COPB1: variants seen among roughly 807,000 people sequenced by gnomAD.
COPB1 encodes the protein coat protein complex I subunit beta 1, also known as coatomer subunit beta.
COPB1 carries 21 observed loss-of-function variants against 108.7 expected under a neutral mutation model. That is an observed-to-expected ratio of 0.19 (90% CI 0.14 to 0.28). The LOEUF is 0.28. COPB1 is among the 10% of genes least tolerant of loss of function. COPB1 has a pLI of 1.00. For missense variants in COPB1, 919 were observed against 1,141.3 expected (o/e 0.81, Z 2.81); for synonymous variants, 378 against 386.8 (o/e 0.98, Z 0.27).
At chr11:14,465,153 G>A in intron 17 of COPB1, 123 bp from the exon 18 acceptor site, 1 of 1,256,976 alleles carries the variant, frequency 8.0e-7, no homozygotes, top group Non-Finnish European at 1.0e-6. Context: ...TAGTTTCTAG[G>A]AAAATAAGGA....
At position 14,498,855 on chromosome 11, in the gene COPB1, C is replaced by T. The variant is rs746258620; in HGVS notation, c.74G>A (p.Ser25Asn). Residue 25 changes from serine (S) to asparagine (N), a missense_variant, in exon 2 of 22, where the codon AGC (serine) becomes AAC (asparagine). Ser to Asn is a conservative substitution (Grantham distance 46). Transcript: ENST00000439561. ...PMDSEPPSEI[S>N]LKNDLEKGDV... Reference sequence around the variant, plus strand: ...AAGTTTACCTAGATCATTTTTTAAGCTAATTTCAGATGGTGGTTCTGAATC... The same window carrying T: ...AAGTTTACCTAGATCATTTTTTAAGTTAATTTCAGATGGTGGTTCTGAATC... 45 of 1,601,922 alleles carry T rather than the reference C, an allele frequency of 2.8e-5. No homozygotes were observed. Among genetic ancestry groups the T allele is most frequent in the Non-Finnish European group, 8.5e-7 (1 of 1,176,344 alleles).
intron 11 of COPB1, among the ~76,000 whole-genome samples, chr11:14,477,301 G>A (rs372160562): frequency 2.1e-4 from 30 of 146,152 alleles, no homozygotes; most frequent in African/African-American, 7.1e-4. Context: ...GGAGAATGGC[G>A]GGAACCCATT....
At chr11:14,463,504 G>A (rs1850206840) in intron 18 of COPB1, among the ~76,000 whole-genome samples, 2 of 152,222 alleles carry the variant, frequency 1.3e-5, no homozygotes, top group South Asian at 4.2e-4. Flanking sequence ...TTTTAGTAGA[G>A]ACAGGATTTC....
chr11:14,468,988 ACTTTT>A (rs576806617), intron 15 of COPB1, 128 bp from the exon 16 acceptor site: 38 of 803,694 alleles, frequency 4.7e-5, no homozygotes, highest in African/African-American at 3.3e-4. Context: ...CCCACAAAGC[ACTTTT>A]CTTTTCTTTT....
intron 8 of COPB1, 22 bp downstream of exon 8, chr11:14,483,010 C>G: frequency 6.6e-7 from 1 of 1,519,786 alleles, no homozygotes; most frequent in Non-Finnish European, 8.9e-7. Context: ...TTTAGGATCT[C>G]TCTTTTTCAG....
Position 14,493,798 on chromosome 11 carries a change from G to T in COPB1, c.335C>A (p.Pro112His). The change falls in exon 4 of 22, where the codon CCT becomes CAT. Residue 112 changes from proline (P) to histidine (H), a missense_variant. Pro to His is a moderately conservative substitution (Grantham distance 77). Around this residue, in one of 5 missense-constraint regions of COPB1, gnomAD observed 22 missense variants for 58.8 expected, o/e 0.37. Transcript: ENST00000439561. The part of the protein sequence containing the change: ...CDAYRKDLQH[P>H]NEFIRGSTLR... ...AGTAGATCCTCGAATAAATTCATTAGGATGTTGAAGATCCTGATATAAAAA... is the reference window on the plus strand; with the variant it reads ...AGTAGATCCTCGAATAAATTCATTATGATGTTGAAGATCCTGATATAAAAA... 6.3e-7 allele frequency: 1 copy of T among 1,588,686 alleles called. No individual in the cohort carries two copies. The highest frequency in any genetic ancestry group is 8.6e-7 in the Non-Finnish European group (1 of 1,168,704).
chr11:14,473,226 G>A (rs1850446185), intron 14 of COPB1, among the ~76,000 whole-genome samples: 1 of 152,080 alleles, frequency 6.6e-6, no homozygotes, highest in Non-Finnish European at 1.5e-5. Flanking sequence ...GCCTGTCTCG[G>A]GCCTCCCAAA....
chr11:14,486,576 T>A (rs1318139989), intron 6 of COPB1, 72 bp from the exon 7 acceptor site: 2 of 1,565,304 alleles, frequency 1.3e-6, no homozygotes, highest in Non-Finnish European at 1.7e-6. Context: ...TTTTCATGAA[T>A]GTCAGCTTAT....
intron 11 of COPB1, among the ~76,000 whole-genome samples, chr11:14,478,585 T>C (rs891954496): frequency 2.0e-5 from 3 of 151,260 alleles, no homozygotes; most frequent in African/African-American, 4.8e-5. Context: ...AAAAAAATAA[T>C]AGTAAAGAAA....
At chr11:14,475,093 CAAAAAAAAAAAAAAAAA>C (rs146181255) in intron 13 of COPB1, among the ~76,000 whole-genome samples, 1 of 71,572 alleles carries the variant, frequency 1.4e-5, no homozygotes, top group Non-Finnish European at 2.5e-5. Flanking sequence ...GACTCTGTGT[CAAAAAAAAAAAAAAAAA>C]AAAAAAAAAG....
At position 14,493,828 on chromosome 11, in the gene COPB1, A is replaced by T. The variant is rs1461875259; in HGVS notation, c.322-17T>A. 1 of 1,529,542 alleles carries T rather than the reference A, an allele frequency of 6.5e-7. No homozygotes were observed. Among genetic ancestry groups the T allele is most frequent in the Non-Finnish European group, 8.8e-7 (1 of 1,137,030 alleles). The allele number at this position is 1,529,542 out of a possible 1,614,324, so 94.7% of individuals were successfully genotyped here. Reference sequence around the variant, plus strand: ...TTGAAGATCCTGATATAAAAATTAAAATATGAAATGCTGAGTTTCAGCTTT... The same window carrying T: ...TTGAAGATCCTGATATAAAAATTAATATATGAAATGCTGAGTTTCAGCTTT... On this transcript the variant is annotated splice_polypyrimidine_tract_variant and intron_variant, in intron 3 of 21. Transcript: ENST00000439561.
In COPB1 at chr11:14,469,581, T is replaced by G; in HGVS notation, c.1738-18A>C. ...ACAAAAGACTAAGAAAGTAAAGAAA[T>G]CGGTTACTGATATTGTCTTGATTCT... On this transcript the variant is annotated intron_variant, in intron 14 of 21. Coordinates refer to ENST00000439561, the MANE Select transcript of COPB1 (RefSeq NM_001144061.2). The G allele has an allele frequency of 1.3e-6, 2 of 1,594,038 alleles. No homozygotes were observed. The highest frequency in any genetic ancestry group is 1.7e-6 in the Non-Finnish European group (2 of 1,162,128).
chr11:14,493,613 A>G, intron 4 of COPB1, 29 bp downstream of exon 4: 1 of 1,563,418 alleles, frequency 6.4e-7, no homozygotes, highest in South Asian at 1.2e-5. Flanking sequence ...GTACTCACAG[A>G]ATGAAGCCAA....
At chr11:14,490,736 TA>T in intron 4 of COPB1, 57 bp from the exon 5 acceptor site, 1 of 949,252 alleles carries the variant, frequency 1.1e-6, no homozygotes, top group Non-Finnish European at 1.6e-6. Flanking sequence ...ACTATTTTAG[TA>T]ACTCTCTGGA....
chr11:14,493,497 A>C (rs1475666758), intron 4 of COPB1, 145 bp downstream of exon 4: 2 of 605,002 alleles, frequency 3.3e-6, no homozygotes, highest in East Asian at 3.2e-5. Flanking sequence ...TTGACTTTTC[A>C]ATGTTCATAA....
At chr11:14,497,002 C>T (rs1851035967) in intron 2 of COPB1, among the ~76,000 whole-genome samples, 1 of 152,154 alleles carries the variant, frequency 6.6e-6, no homozygotes. Context: ...AAGAATGAAA[C>T]TTGTCCCCCA....
intron 2 of COPB1, 63 bp downstream of exon 2, chr11:14,498,774 TA>T (rs1454521338): frequency 4.8e-5 from 62 of 1,288,910 alleles, no homozygotes; most frequent in Non-Finnish European, 6.0e-5. Context: ...GAATATGAAA[TA>T]TGAGTTTTTT....
chr11:14,472,268 T>C (rs1485768296), intron 14 of COPB1, among the ~76,000 whole-genome samples: 1 of 152,224 alleles, frequency 6.6e-6, no homozygotes, highest in East Asian at 1.9e-4. Flanking sequence ...TCAGAGCTCT[T>C]GGGTGACCAG....
chr11:14,486,061 G>A (rs1850765678), intron 7 of COPB1, among the ~76,000 whole-genome samples: 2 of 152,132 alleles, frequency 1.3e-5, no homozygotes, highest in African/African-American at 4.8e-5. Flanking sequence ...GATTAGTCTT[G>A]CTGTCTCAGG....
Sources: allele counts gnomAD v4.1 joint callset (sites outside exome capture counted in the v4.1 genomes callset), GRCh38; gene constraint gnomAD v4.1.1; regional missense constraint gnomAD v4.1.1; transcripts MANE v1.5; gene names NCBI Gene and HGNC (gene_info 2026-07-23, HGNC 2026-07-21).